RPH3A: variants seen among roughly 807,000 people sequenced by gnomAD.
The protein encoded by RPH3A is rabphilin-3A.
In RPH3A, 48 loss-of-function variants were observed where a neutral mutation model predicts 102.2. The ratio of observed to expected loss-of-function variants is 0.47; its 90% CI spans 0.37 to 0.60. The LOEUF is 0.60. Ranked by LOEUF, RPH3A falls within the 20% of genes least tolerant of loss-of-function variation. The pLI, the probability that RPH3A is intolerant of heterozygous loss-of-function variation, is 0.00. For synonymous variants in RPH3A, 310 were observed against 324.3 expected (o/e 0.96, Z 0.47); for missense variants, 781 against 910.1 (o/e 0.86, Z 1.83).
intron 19 of RPH3A, chr12:112,893,300 G>GTC (rs1470029005): frequency 6.6e-6 from 1 of 152,034 alleles, no homozygotes; most frequent in Non-Finnish European, 1.5e-5. Context: ...CCTCATTTTT[G>GTC]TCTCTTCTTA....
chr12:112,770,357 G>GT (rs1282227195), intron 1 of RPH3A, among the ~76,000 whole-genome samples: 4 of 151,112 alleles, frequency 2.6e-5, no homozygotes, highest in East Asian at 1.9e-4. Flanking sequence ...GTTTTGTTTT[G>GT]TTTTTTGAGA....
chr12:112,792,909 T>C (rs2041152388), intron 2 of RPH3A, among the ~76,000 whole-genome samples: 1 of 152,214 alleles, frequency 6.6e-6, no homozygotes, highest in Admixed American at 6.5e-5. Context: ...AGCCACTGCC[T>C]GCAGAGGAGA....
chr12:112,727,502 C>T (rs7134315), intron 1 of RPH3A, among the ~76,000 whole-genome samples: 1 of 96,716 alleles, frequency 1.0e-5, no homozygotes, highest in Non-Finnish European at 2.1e-5. Flanking sequence ...GACCCCCCCC[C>T]CCCACACACA....
At chr12:112,696,293 A>G (rs942162341) in intron 1 of RPH3A, among the ~76,000 whole-genome samples, 1 of 152,154 alleles carries the variant, frequency 6.6e-6, no homozygotes, top group Non-Finnish European at 1.5e-5. Flanking sequence ...GCTGCTGTAA[A>G]TGTGTGTGTA....
intron 10 of RPH3A, among the ~76,000 whole-genome samples, chr12:112,870,400 C>A (rs1310988020): frequency 2.6e-5 from 4 of 151,412 alleles, no homozygotes; most frequent in Non-Finnish European, 5.9e-5. Context: ...CTCTCCAAGT[C>A]TCCCCTTGGC....
At chr12:112,658,787 G>A (rs1318361947) in intron 1 of RPH3A, among the ~76,000 whole-genome samples, 1 of 152,210 alleles carries the variant, frequency 6.6e-6, no homozygotes, top group Non-Finnish European at 1.5e-5. Context: ...ATCTATTGGG[G>A]CAAGATCAAT....
At chr12:112,622,726 C>T (rs1275188865) in intron 1 of RPH3A, among the ~76,000 whole-genome samples, 2 of 148,458 alleles carry the variant, frequency 1.3e-5, no homozygotes, top group African/African-American at 4.9e-5. Context: ...AGATACTCCT[C>T]GAGAAGAGCA....
chr12:112,580,401 T>C (rs2039390157), intron 1 of RPH3A, among the ~76,000 whole-genome samples: 2 of 125,140 alleles, frequency 1.6e-5, no homozygotes, highest in Admixed American at 1.6e-4. Context: ...TGTCTTTTTT[T>C]TTTTTTTTTT....
chr12:112,637,752 A>G (rs1238339656), intron 1 of RPH3A, among the ~76,000 whole-genome samples: 1 of 152,034 alleles, frequency 6.6e-6, no homozygotes, highest in Non-Finnish European at 1.5e-5. Flanking sequence ...CATGTCTTGC[A>G]TTGTATCACA....
intron 1 of RPH3A, among the ~76,000 whole-genome samples, chr12:112,781,505 ACCATGAGAGAG>A (rs1416529090): frequency 6.6e-6 from 1 of 152,096 alleles, no homozygotes; most frequent in Non-Finnish European, 1.5e-5. Flanking sequence ...GTGGTTCGGG[ACCATGAGAGAG>A]CCCCTGGGTG....
At chr12:112,890,795 C>T (rs1325832446) in intron 18 of RPH3A, 54 bp from the exon 19 acceptor site, 3 of 1,583,282 alleles carry the variant, frequency 1.9e-6, no homozygotes, top group East Asian at 2.3e-5. Flanking sequence ...TCGCCATTCA[C>T]ATTTCCTGGC....
At chr12:112,723,252 C>A (rs1479634846) in intron 1 of RPH3A, among the ~76,000 whole-genome samples, 1 of 152,090 alleles carries the variant, frequency 6.6e-6, no homozygotes, top group African/African-American at 2.4e-5. Context: ...TGACTGGAAG[C>A]CTTACCGATA....
chr12:112,834,427 G>A (rs548687923), intron 3 of RPH3A, among the ~76,000 whole-genome samples: 8 of 152,176 alleles, frequency 5.3e-5, no homozygotes, highest in Non-Finnish European at 1.0e-4. Flanking sequence ...ACTTTGTATA[G>A]ACACATACTT....
chr12:112,588,145 G>C (rs1192633670), intron 1 of RPH3A, among the ~76,000 whole-genome samples: 1 of 152,132 alleles, frequency 6.6e-6, no homozygotes, highest in African/African-American at 2.4e-5. Context: ...CAATGAAGTT[G>C]CTCAATAAAT....
rs114648866 is a variant in RPH3A at position 112,852,193 on chromosome 12, T to G, written c.230+4351T>G. Among the ~76,000 whole-genome samples the G allele has an allele frequency of 4.8e-3, 725 of 152,288 alleles. 4 individuals carry two copies. The highest frequency in any genetic ancestry group is 0.016 in the African/African-American group (683 of 41,546). On this transcript the variant is annotated intron_variant, in intron 5 of 21. Coordinates refer to ENST00000389385, the MANE Select transcript of RPH3A (RefSeq NM_001143854.2). ...CCCTCTCTTTGCATTTCATCCTTCC[T>G]TATTCATTAGTCTGGCCTGAGCTCC... is the stretch of plus-strand genomic sequence containing the variant.
At chr12:112,719,718 T>C (rs144267845) in intron 1 of RPH3A, among the ~76,000 whole-genome samples, 123 of 152,324 alleles carry the variant, frequency 8.1e-4, no homozygotes, top group Middle Eastern at 3.4e-3. Flanking sequence ...AGTTGACTAA[T>C]ACATTTTGAC....
intron 1 of RPH3A, among the ~76,000 whole-genome samples, chr12:112,671,668 G>A (rs2040131059): frequency 6.6e-6 from 1 of 152,154 alleles, no homozygotes; most frequent in East Asian, 1.9e-4. Context: ...TCCCCAGGCA[G>A]ACCAGAGCTT....
chr12:112,719,026 C>A (rs139288934), intron 1 of RPH3A, among the ~76,000 whole-genome samples: 4 of 152,196 alleles, frequency 2.6e-5, no homozygotes, highest in African/African-American at 9.7e-5. Flanking sequence ...AAGTGGTTTT[C>A]ACCTCCCAGA....
At chr12:112,826,871 T>C (rs2136149986) in intron 2 of RPH3A, among the ~76,000 whole-genome samples, 1 of 152,338 alleles carries the variant, frequency 6.6e-6, no homozygotes, top group East Asian at 1.9e-4. Flanking sequence ...TGTGTTAAGC[T>C]ATTATGAATA....
Sources: allele counts gnomAD v4.1 joint callset (sites outside exome capture counted in the v4.1 genomes callset), GRCh38; gene constraint gnomAD v4.1.1; transcripts MANE v1.5; gene names NCBI Gene and HGNC (gene_info 2026-07-23, HGNC 2026-07-21).